The following B3GLCT variants were observed in gnomAD, a reference collection of about 807,000 sequenced individuals.
B3GLCT encodes beta-1,3-glucosyltransferase.
In B3GLCT, 65 loss-of-function variants were observed where a neutral mutation model predicts 63.4. The ratio of observed to expected loss-of-function variants is 1.03; its 90% CI spans 0.84 to 1.26. The LOEUF is 1.26. Ranked by LOEUF, B3GLCT falls within the 50% of genes most tolerant of loss-of-function variation. The pLI, the probability that B3GLCT is intolerant of heterozygous loss-of-function variation, is 0.00. For missense variants in B3GLCT, 577 were observed against 604.8 expected (o/e 0.95, Z 0.48); for synonymous variants, 233 against 219.2 (o/e 1.06, Z -0.55).
chr13:31,318,286 G>A (rs1013356486), intron 13 of B3GLCT, among the ~76,000 whole-genome samples: 3 of 151,958 alleles, frequency 2.0e-5, no homozygotes, highest in Admixed American at 6.6e-5. Context: ...TCTTATCAAC[G>A]GTAGTCATTT....
At chr13:31,236,266 C>CT (rs1870643263) in intron 4 of B3GLCT, among the ~76,000 whole-genome samples, 1 of 152,184 alleles carries the variant, frequency 6.6e-6, no homozygotes, top group Admixed American at 6.5e-5. Context: ...AGCTACATTT[C>CT]TTTAAAGTAT....
chr13:31,226,517 A>G (rs906139920), intron 3 of B3GLCT, among the ~76,000 whole-genome samples: 29 of 152,238 alleles, frequency 1.9e-4, no homozygotes, highest in Admixed American at 1.8e-3. Flanking sequence ...CAATGAGAAG[A>G]CAGTGGGAGC....
At chr13:31,290,641 G>A (rs1316493128) in intron 12 of B3GLCT, among the ~76,000 whole-genome samples, 1 of 151,982 alleles carries the variant, frequency 6.6e-6, no homozygotes, top group Non-Finnish European at 1.5e-5. Context: ...TATGTTTGTT[G>A]GCCACATAAA....
intron 12 of B3GLCT, among the ~76,000 whole-genome samples, chr13:31,299,513 C>G (rs1223137882): frequency 1.3e-5 from 2 of 152,168 alleles, no homozygotes; most frequent in African/African-American, 4.8e-5. Flanking sequence ...GCACCAGTCT[C>G]TGTATTGCCA....
rs1297433912 is a variant in B3GLCT, at chr13:31,223,001, G to T, written c.160+10G>T. 3 of 1,475,576 alleles carry T rather than the reference G, an allele frequency of 2.0e-6. No homozygotes were observed. The highest frequency in any genetic ancestry group is 4.5e-5 in the East Asian group (2 of 44,148). 91.4% of individuals were successfully genotyped at this position (1,475,576 alleles called of 1,614,324 possible). On this transcript the variant is annotated intron_variant, in intron 3 of 14. Coordinates refer to ENST00000343307, the MANE Select transcript of B3GLCT (RefSeq NM_194318.4). The stretch of plus-strand genomic sequence containing the variant: ...AGGAAAAATGACATAGGTAAGTAAT[G>T]ATTTTTTTTACCTAAGAGTGTGTAC...
intron 4 of B3GLCT, among the ~76,000 whole-genome samples, chr13:31,238,348 T>G (rs149267526): frequency 6.9e-4 from 105 of 152,348 alleles, no homozygotes; most frequent in African/African-American, 2.3e-3. Context: ...TTAAACTGTT[T>G]CCCTTGTTTT....
intron 1 of B3GLCT, among the ~76,000 whole-genome samples, chr13:31,203,426 A>G (rs575038032): frequency 1.3e-5 from 2 of 151,742 alleles, no homozygotes; most frequent in Admixed American, 6.6e-5. Context: ...GGAGGGAGGG[A>G]GAGCATCTGT....
chr13:31,200,164 G>A lies in B3GLCT; in HGVS notation c.70+10G>A. ...CTCACCTGCTCCCTGGGTAAGTAGC[G>A]GGCGGCCAGGCGCGCAAGGGCGAGG... On this transcript the variant is annotated intron_variant, in intron 1 of 14. Coordinates refer to ENST00000343307, the MANE Select transcript of B3GLCT (RefSeq NM_194318.4). 7.6e-7 allele frequency: 1 copy of A among 1,307,694 alleles called. No individual in the cohort carries two copies. Among genetic ancestry groups the A allele is most frequent in the Non-Finnish European group, 9.8e-7 (1 of 1,017,394 alleles). The allele number at this position is 1,307,694 out of a possible 1,614,324, so 81.0% of individuals were successfully genotyped here.
At chr13:31,258,256 C>T (rs1402508706) in intron 6 of B3GLCT, among the ~76,000 whole-genome samples, 1 of 152,164 alleles carries the variant, frequency 6.6e-6, no homozygotes, top group Non-Finnish European at 1.5e-5. Flanking sequence ...CTTTCTAAAC[C>T]TCTTCCGTCT....
At chr13:31,283,619 T>C (rs1873176437) in intron 10 of B3GLCT, among the ~76,000 whole-genome samples, 1 of 151,542 alleles carries the variant, frequency 6.6e-6, no homozygotes, top group Non-Finnish European at 1.5e-5. Context: ...AAAAAGCCAG[T>C]GAAAGAGATT....
intron 6 of B3GLCT, among the ~76,000 whole-genome samples, chr13:31,255,565 C>T (rs888151025): frequency 2.6e-5 from 4 of 152,160 alleles, no homozygotes; most frequent in Admixed American, 2.0e-4. Context: ...TACAAGGCTA[C>T]AGTAACAAAA....
chr13:31,257,422 T>C (rs932014411), intron 6 of B3GLCT, among the ~76,000 whole-genome samples: 5 of 152,050 alleles, frequency 3.3e-5, no homozygotes, highest in Non-Finnish European at 5.9e-5. Context: ...TTGTCTTGGT[T>C]GTTACAGGGT....
intron 12 of B3GLCT, among the ~76,000 whole-genome samples, chr13:31,299,823 C>T (rs1874136180): frequency 6.6e-6 from 1 of 152,170 alleles, no homozygotes; most frequent in Non-Finnish European, 1.5e-5. Flanking sequence ...CTTTAATGCA[C>T]CCCTCAAATG....
chr13:31,220,354 C>G (rs957562654), intron 2 of B3GLCT, among the ~76,000 whole-genome samples: 1 of 152,180 alleles, frequency 6.6e-6, no homozygotes, highest in African/African-American at 2.4e-5. Context: ...CTTTTCCTGG[C>G]TAGCATAGGA....
chr13:31,214,813 A>C (rs898100305), intron 1 of B3GLCT, among the ~76,000 whole-genome samples: 1 of 152,236 alleles, frequency 6.6e-6, no homozygotes, highest in African/African-American at 2.4e-5. Flanking sequence ...AATTTGTCTG[A>C]TGTACTGTTT....
At chr13:31,260,888 A>T in intron 6 of B3GLCT, 58 bp from the exon 7 acceptor site, 3 of 1,508,810 alleles carry the variant, frequency 2.0e-6, no homozygotes, top group Non-Finnish European at 2.8e-6. Context: ...ACCACCTTCT[A>T]TTGGTCTTAC....
At chr13:31,268,889 C>A (rs929644858) in intron 7 of B3GLCT, among the ~76,000 whole-genome samples, 5 of 151,960 alleles carry the variant, frequency 3.3e-5, no homozygotes, top group Non-Finnish European at 5.9e-5. Context: ...TTTCTTTTTT[C>A]TTTCTCTGTC....
intron 7 of B3GLCT, among the ~76,000 whole-genome samples, chr13:31,265,425 T>C (rs891627833): frequency 2.0e-5 from 3 of 152,192 alleles, no homozygotes; most frequent in Admixed American, 6.5e-5. Flanking sequence ...GTCCTTTCCT[T>C]GACTTTACGG....
intron 10 of B3GLCT, among the ~76,000 whole-genome samples, chr13:31,277,444 C>T (rs1466363377): frequency 6.6e-6 from 1 of 150,566 alleles, no homozygotes; most frequent in African/African-American, 2.4e-5. Context: ...TCTTTTTGCA[C>T]CTTATTTCAA....
Sources: gnomAD v4.1 joint callset for allele counts (sites outside exome capture counted in the v4.1 genomes callset) on GRCh38, gnomAD v4.1.1 for gene constraint, MANE v1.5 for transcripts, NCBI Gene and HGNC (gene_info 2026-07-23, HGNC 2026-07-21) for gene names.